Variants in EIPR1 observed in about 807,000 individuals in gnomAD.
EIPR1 encodes the protein EARP and GARP complex-interacting protein 1.
Under a neutral mutation model 48.1 loss-of-function variants are expected in EIPR1, and 25 were observed. The observed-to-expected ratio is 0.52, with a 90% CI of 0.38 to 0.73. EIPR1 has a LOEUF of 0.73. EIPR1 is among the 30% of genes least tolerant of loss of function. The probability of loss-of-function intolerance (pLI) is 0.00; values close to 1 mark genes in which losing one functional copy is unlikely to be tolerated. For synonymous variants in EIPR1, 204 were observed against 201.9 expected, an observed-to-expected ratio of 1.01 and a Z score of -0.09; for missense variants, 415 against 506.2, an observed-to-expected ratio of 0.82 and a Z score of 1.73.
intron 2 of EIPR1, among the ~76,000 whole-genome samples, chr2:3,342,705 C>A (rs1228597850): frequency 6.6e-6 from 1 of 152,272 alleles, no homozygotes; most frequent in African/African-American, 2.4e-5. Flanking sequence ...CTCTTCCAGC[C>A]AGCGAGCACG....
At chr2:3,241,136 T>C (rs1467016915) in intron 4 of EIPR1, among the ~76,000 whole-genome samples, 1 of 151,552 alleles carries the variant, frequency 6.6e-6, no homozygotes, top group Non-Finnish European at 1.5e-5. Flanking sequence ...CAGCAGACTC[T>C]TCCTCAGGAA....
chr2:3,266,527 G>A (rs896732018), intron 3 of EIPR1, among the ~76,000 whole-genome samples: 4 of 152,214 alleles, frequency 2.6e-5, no homozygotes, highest in Admixed American at 6.5e-5. Context: ...TGCAGAAGGC[G>A]GCAAGGCTGA....
At chr2:3,241,685 T>C (rs1330271659) in intron 4 of EIPR1, among the ~76,000 whole-genome samples, 3 of 152,078 alleles carry the variant, frequency 2.0e-5, no homozygotes, top group East Asian at 1.9e-4. Flanking sequence ...CTGATGTGAG[T>C]ATGCAGCATC....
intron 4 of EIPR1, among the ~76,000 whole-genome samples, chr2:3,219,779 G>C (rs58192879): frequency 0.56 from 84,450 of 151,438 alleles, 23,847 homozygotes; most frequent in East Asian, 0.73. Flanking sequence ...TTCACAGTGA[G>C]TCAGGTGCAC....
intron 1 of EIPR1, among the ~76,000 whole-genome samples, chr2:3,355,427 C>T (rs1670698325): frequency 6.6e-6 from 1 of 152,220 alleles, no homozygotes; most frequent in Admixed American, 6.5e-5. Context: ...GCTAGCCAGC[C>T]TCCTGCCAGA....
At chr2:3,217,926 C>A (rs942504647) in intron 4 of EIPR1, among the ~76,000 whole-genome samples, 1 of 152,224 alleles carries the variant, frequency 6.6e-6, no homozygotes, top group Admixed American at 6.5e-5. Flanking sequence ...ACTCCCCAAC[C>A]CCTCATAAGC....
chr2:3,249,545 T>A (rs1347780885), intron 4 of EIPR1, among the ~76,000 whole-genome samples: 2 of 152,086 alleles, frequency 1.3e-5, no homozygotes, highest in Non-Finnish European at 2.9e-5. Context: ...AACCTGGCCA[T>A]GTAGAAAAGA....
At chr2:3,314,732 CT>C (rs1196466711) in intron 3 of EIPR1, among the ~76,000 whole-genome samples, 1 of 151,910 alleles carries the variant, frequency 6.6e-6, no homozygotes, top group Non-Finnish European at 1.5e-5. Context: ...CGATGCCCCT[CT>C]GACTGCCTGC....
intron 4 of EIPR1, 115 bp downstream of exon 4, chr2:3,257,180 AAAAG>A: frequency 1.0e-5 from 12 of 1,154,436 alleles, no homozygotes; most frequent in Non-Finnish European, 1.4e-5. Flanking sequence ...GCAGCTTTTT[AAAAG>A]AAAGGAGCGT....
chr2:3,266,928 C>A (rs1347870043), intron 3 of EIPR1, among the ~76,000 whole-genome samples: 1 of 152,266 alleles, frequency 6.6e-6, no homozygotes, highest in African/African-American at 2.4e-5. Context: ...CCTAAGCCAG[C>A]TCACAGGCCT....
intron 3 of EIPR1, among the ~76,000 whole-genome samples, chr2:3,283,520 G>A (rs1668078635): frequency 6.8e-6 from 1 of 147,404 alleles, no homozygotes; most frequent in African/African-American, 2.5e-5. Flanking sequence ...ACGCCCAGAA[G>A]TGATGCACCA....
intron 4 of EIPR1, among the ~76,000 whole-genome samples, chr2:3,215,145 C>T (rs551755864): frequency 6.6e-5 from 10 of 152,328 alleles, no homozygotes; most frequent in African/African-American, 1.7e-4. Context: ...CACTCACCAA[C>T]GTGGGCTTCA....
intron 4 of EIPR1, among the ~76,000 whole-genome samples, chr2:3,219,073 G>GATAC (rs1665762528): frequency 6.7e-6 from 1 of 149,378 alleles, no homozygotes; most frequent in East Asian, 2.0e-4. Context: ...ACACGGCCCT[G>GATAC]GTATACTCTA....
At chr2:3,230,044 C>G (rs1223864904) in intron 4 of EIPR1, among the ~76,000 whole-genome samples, 1 of 152,214 alleles carries the variant, frequency 6.6e-6, no homozygotes, top group Non-Finnish European at 1.5e-5. Context: ...GAACACTGAA[C>G]ATTTTTCCAT....
chr2:3,367,905 C>T (rs748958112), intron 1 of EIPR1, among the ~76,000 whole-genome samples: 15 of 152,070 alleles, frequency 9.9e-5, no homozygotes, highest in African/African-American at 1.4e-4. Context: ...ATTAGCCAGG[C>T]GCGGTGGCAG....
intron 4 of EIPR1, among the ~76,000 whole-genome samples, chr2:3,237,116 C>A (rs536854505): frequency 6.6e-6 from 1 of 152,186 alleles, no homozygotes; most frequent in Admixed American, 6.5e-5. Flanking sequence ...CACAGGTCCA[C>A]CTGGGAGATG....
chr2:3,288,634 C>T (rs552319706), intron 3 of EIPR1, among the ~76,000 whole-genome samples: 133 of 152,292 alleles, frequency 8.7e-4, no homozygotes, highest in African/African-American at 2.8e-3. Flanking sequence ...CCCAGTTCCT[C>T]GGGCATCAGA....
At chr2:3,192,009 AC>A (rs1222916437) in intron 8 of EIPR1, among the ~76,000 whole-genome samples, 1 of 152,110 alleles carries the variant, frequency 6.6e-6, no homozygotes, top group African/African-American at 2.4e-5. Context: ...CAACAACCCG[AC>A]CCCAACACGC....
intron 4 of EIPR1, among the ~76,000 whole-genome samples, chr2:3,241,361 T>C (rs923267227): frequency 6.6e-6 from 1 of 152,258 alleles, no homozygotes; most frequent in Non-Finnish European, 1.5e-5. Context: ...GTGATACATC[T>C]GGAAATAACT....
Sources: allele counts gnomAD v4.1 joint callset (sites outside exome capture counted in the v4.1 genomes callset), GRCh38; gene constraint gnomAD v4.1.1; transcripts MANE v1.5; gene names NCBI Gene and HGNC (gene_info 2026-07-23, HGNC 2026-07-21).